The following WNK3 variants were observed in gnomAD, a reference collection of about 807,000 sequenced individuals.
WNK3 encodes serine/threonine-protein kinase WNK3.
WNK3 carries 18 observed loss-of-function variants against 116.7 expected under a neutral mutation model. The observed-to-expected ratio is 0.15, with a 90% CI of 0.11 to 0.23. The LOEUF (loss-of-function observed/expected upper bound fraction) is 0.23. Ranked by LOEUF, WNK3 falls within the 10% of genes least tolerant of loss-of-function variation. WNK3 has a pLI of 1.00. For synonymous variants in WNK3, 404 were observed against 469.4 expected, an observed-to-expected ratio of 0.86 and a Z score of 1.80; for missense variants, 993 against 1,323.8, an observed-to-expected ratio of 0.75 and a Z score of 3.88.
chrX:54,284,368 T>A (rs1222117075), intron 10 of WNK3, among the ~76,000 whole-genome samples: 1 of 111,486 alleles, frequency 9.0e-6, no homozygotes, highest in Non-Finnish European at 1.9e-5. Context: ...ACAACTAGAA[T>A]AACTAAAATT....
At chrX:54,274,646 C>T (rs1557160216) in intron 10 of WNK3, among the ~76,000 whole-genome samples, 1 of 111,678 alleles carries the variant, frequency 9.0e-6, no homozygotes, top group African/African-American at 3.3e-5. Flanking sequence ...CTGGAGATGA[C>T]TGATTATAAA....
intron 10 of WNK3, among the ~76,000 whole-genome samples, chrX:54,280,652 C>T (rs1557162181): frequency 8.9e-6 from 1 of 111,991 alleles, no homozygotes; most frequent in Admixed American, 9.5e-5. Context: ...AGCTGGAGGC[C>T]ATTTTCCTAG....
chrX:54,337,300 G>A (rs1282885409), intron 1 of WNK3, among the ~76,000 whole-genome samples: 2 of 110,874 alleles, frequency 1.8e-5, no homozygotes, highest in Middle Eastern at 4.6e-3. Flanking sequence ...GGTGGCTCAC[G>A]CCTGTAATCC....
chrX:54,250,097 C>G, exon 16 of WNK3: 1 of 1,200,166 alleles, frequency 8.3e-7, no homozygotes, highest in Non-Finnish European at 1.1e-6. Context: ...AGAATCGCCA[C>G]CGACCAACTG....
intron 10 of WNK3, among the ~76,000 whole-genome samples, chrX:54,268,177 A>G (rs1297659795): frequency 9.2e-6 from 1 of 108,586 alleles, no homozygotes; most frequent in Non-Finnish European, 1.9e-5. Context: ...CCCCAGTAGC[A>G]GCAAACACAC....
intron 10 of WNK3, among the ~76,000 whole-genome samples, chrX:54,264,095 G>A (rs1224666828): frequency 9.2e-6 from 1 of 108,495 alleles, no homozygotes; most frequent in Non-Finnish European, 1.9e-5. Context: ...CACTTTGGGA[G>A]GCTGAGGCAG....
intron 10 of WNK3, among the ~76,000 whole-genome samples, chrX:54,290,420 T>C (rs927928467): frequency 3.6e-5 from 4 of 111,953 alleles, no homozygotes; most frequent in Non-Finnish European, 7.5e-5. Context: ...GCATATACTA[T>C]GCCCATTTTA....
chrX:54,292,949 G>A (rs139873078), exon 10 of WNK3: 7 of 1,210,204 alleles, frequency 5.8e-6, no homozygotes, highest in Non-Finnish European at 7.8e-6. Flanking sequence ...AACAACTGTC[G>A]GTCCAAGGAC....
At chrX:54,267,465 AAT>A (rs1474737672) in intron 10 of WNK3, among the ~76,000 whole-genome samples, 1 of 111,252 alleles carries the variant, frequency 9.0e-6, no homozygotes, top group African/African-American at 3.3e-5. Context: ...TTTGAAGTGG[AAT>A]ATGAGAGAAA....
rs189386180 is a variant in WNK3, at chrX:54,260,981, T to C, written c.2038-1643A>G. 6.6e-3 allele frequency among the ~76,000 whole-genome samples: 725 copies of C among 109,298 alleles called. 7 individuals carry two copies. Among genetic ancestry groups the C allele is most frequent in the African/African-American group, 0.022 (669 of 30,103 alleles). The allele number at this position is 109,298 out of a possible 115,157, so 94.9% of individuals were successfully genotyped here. On this transcript the variant is annotated intron_variant, in intron 10 of 23. Transcript: ENST00000354646. Reference sequence around the variant, plus strand: ...CTGACTTCAAGTGATCCACCTGCCTTGGCCTCCCAAAGTGCTAGGATTACA... The same window carrying C: ...CTGACTTCAAGTGATCCACCTGCCTCGGCCTCCCAAAGTGCTAGGATTACA...
intron 1 of WNK3, among the ~76,000 whole-genome samples, chrX:54,335,648 C>T (rs1603400331): frequency 9.0e-6 from 1 of 111,641 alleles, no homozygotes; most frequent in Non-Finnish European, 1.9e-5. Flanking sequence ...GAAAAAAAAC[C>T]TTGAACTAAA....
chrX:54,264,359 TGTCA>T (rs2068287788), intron 10 of WNK3, among the ~76,000 whole-genome samples: 1 of 105,516 alleles, frequency 9.5e-6, no homozygotes, highest in Non-Finnish European at 1.9e-5. Context: ...GACATGGGGG[TGTCA>T]GTGTGTTGCC....
chrX:54,321,595 C>G (rs182663111), intron 2 of WNK3, among the ~76,000 whole-genome samples: 87 of 111,659 alleles, frequency 7.8e-4, no homozygotes, highest in African/African-American at 2.8e-3. Flanking sequence ...TAAGAAATCA[C>G]GGTATAATAG....
intron 10 of WNK3, among the ~76,000 whole-genome samples, chrX:54,267,781 G>A (rs2068331556): frequency 9.1e-6 from 1 of 109,953 alleles, no homozygotes; most frequent in East Asian, 2.9e-4. Flanking sequence ...GGGTAACAGA[G>A]CGAGACTCTC....
At chrX:54,315,132 C>T (rs2068937446) in intron 2 of WNK3, among the ~76,000 whole-genome samples, 1 of 108,013 alleles carries the variant, frequency 9.3e-6, no homozygotes, top group Non-Finnish European at 1.9e-5. Flanking sequence ...CTTGTCTCTA[C>T]TAAAAATAAA....
chrX:54,312,599 G>C (rs1328960881), intron 2 of WNK3, among the ~76,000 whole-genome samples: 6 of 109,303 alleles, frequency 5.5e-5, no homozygotes, highest in Non-Finnish European at 1.1e-4. Context: ...CACCACGCCC[G>C]GCTAATTTTT....
Position 54,327,185 on chromosome X carries a change from G to A in WNK3, c.537+5952C>T, listed in dbSNP as rs183558669. Among the ~76,000 whole-genome samples the A allele has an allele frequency of 5.7e-3, 633 of 112,023 alleles. 3 individuals carry two copies. The highest frequency in any genetic ancestry group is 9.9e-3 in the Non-Finnish European group (527 of 53,199). ...TCAAATATCAGCAGTAAAATTTATC[G>A]CTCCCAGTTCTTTGCAGCACCATAA... On this transcript the variant is annotated intron_variant, in intron 2 of 23. Transcript: ENST00000354646.
chrX:54,285,446 C>T (rs1332369346), intron 10 of WNK3, among the ~76,000 whole-genome samples: 4 of 111,894 alleles, frequency 3.6e-5, no homozygotes, highest in African/African-American at 1.3e-4. Flanking sequence ...TTGACTCTAA[C>T]GGGTGTGGAG....
chrX:54,274,793 G>T (rs1360206470), intron 10 of WNK3, among the ~76,000 whole-genome samples: 5 of 110,361 alleles, frequency 4.5e-5, no homozygotes, highest in African/African-American at 1.6e-4. Flanking sequence ...ACTGCTTGAC[G>T]CCAGGAGTTT....
Sources: gnomAD v4.1 joint callset for allele counts (sites outside exome capture counted in the v4.1 genomes callset) on GRCh38, gnomAD v4.1.1 for gene constraint, MANE v1.5 for transcripts, NCBI Gene and HGNC (gene_info 2026-07-23, HGNC 2026-07-21) for gene names.